ENOX2: variants seen among roughly 807,000 people sequenced by gnomAD.
ENOX2 encodes APK1 antigen.
ENOX2 carries 36 observed loss-of-function variants against 45.0 expected under a neutral mutation model. That is an observed-to-expected ratio of 0.80 (90% CI 0.61 to 1.06). ENOX2 has a LOEUF of 1.06. Ranked by LOEUF, ENOX2 falls within the 50% of genes least tolerant of loss-of-function variation. The pLI is 0.00. For synonymous variants in ENOX2, 174 were observed against 152.3 expected (o/e 1.14, Z -1.05); for missense variants, 423 against 462.5 (o/e 0.91, Z 0.78).
chrX:130,735,681 C>A (rs773983946), intron 3 of ENOX2, among the ~76,000 whole-genome samples: 12 of 111,701 alleles, frequency 1.1e-4, no homozygotes, highest in African/African-American at 3.9e-4. Flanking sequence ...TTTATTATGG[C>A]ATTGCTATAA....
At chrX:130,680,417 G>A (rs1416418596) in intron 5 of ENOX2, among the ~76,000 whole-genome samples, 2 of 111,490 alleles carry the variant, frequency 1.8e-5, no homozygotes, top group East Asian at 5.6e-4. Flanking sequence ...AAATATGAAA[G>A]ACAGCAGAGA....
intron 10 of ENOX2, among the ~76,000 whole-genome samples, chrX:130,641,741 A>AAC (rs1569478944): frequency 9.4e-6 from 1 of 106,415 alleles, no homozygotes; most frequent in African/African-American, 3.4e-5. Flanking sequence ...AAAAAAAAAA[A>AAC]GAGAGAATTA....
chrX:130,683,338 C>T (rs1393209354), intron 5 of ENOX2, among the ~76,000 whole-genome samples: 1 of 111,873 alleles, frequency 8.9e-6, no homozygotes, highest in South Asian at 3.8e-4. Context: ...ATTGAAGGTC[C>T]CCTGGACAAT....
At chrX:130,633,049 C>T (rs1490963327) in intron 12 of ENOX2, among the ~76,000 whole-genome samples, 2 of 112,011 alleles carry the variant, frequency 1.8e-5, no homozygotes, top group Admixed American at 9.4e-5. Context: ...CTTCCTTAAA[C>T]CTGACTTCAA....
chrX:130,685,169 G>A (rs898692259), intron 5 of ENOX2, among the ~76,000 whole-genome samples: 109 of 111,522 alleles, frequency 9.8e-4, no homozygotes, highest in African/African-American at 3.1e-3. Context: ...AAGGCCCTAT[G>A]ATGGGAGAGT....
intron 13 of ENOX2, among the ~76,000 whole-genome samples, chrX:130,630,976 C>CAAAG (rs1181542112): frequency 9.1e-6 from 1 of 109,480 alleles, no homozygotes; most frequent in Non-Finnish European, 1.9e-5. Flanking sequence ...AACAAACAAA[C>CAAAG]AAACAAACAA....
chrX:130,657,259 T>G (rs1312464320), intron 9 of ENOX2, among the ~76,000 whole-genome samples: 2 of 111,896 alleles, frequency 1.8e-5, no homozygotes, highest in African/African-American at 6.5e-5. Flanking sequence ...TTGATGACAT[T>G]GGAGAGTGAA....
chrX:130,799,489 T>C (rs1187864317), intron 2 of ENOX2, among the ~76,000 whole-genome samples: 1 of 111,570 alleles, frequency 9.0e-6, no homozygotes. Context: ...CCTTTATATA[T>C]ACATCTACCC....
chrX:130,634,294 T>C (rs1262871876), intron 12 of ENOX2, among the ~76,000 whole-genome samples: 2 of 112,092 alleles, frequency 1.8e-5, no homozygotes, highest in African/African-American at 3.2e-5. Context: ...TGAGTATTGA[T>C]GCATCAAGGA....
At chrX:130,839,589 AAC>A (rs1364268964) in intron 2 of ENOX2, among the ~76,000 whole-genome samples, 1 of 111,921 alleles carries the variant, frequency 8.9e-6, no homozygotes, top group African/African-American at 3.2e-5. Flanking sequence ...ATAATTTTAA[AAC>A]AGTTAATTAA....
chrX:130,692,620 G>A (rs1376338259), intron 4 of ENOX2, among the ~76,000 whole-genome samples: 3 of 92,837 alleles, frequency 3.2e-5, no homozygotes, highest in Non-Finnish European at 6.3e-5. Context: ...CCGCTCTGTT[G>A]CCCAGGCTGG....
intron 2 of ENOX2, among the ~76,000 whole-genome samples, chrX:130,832,768 A>G (rs2077859187): frequency 9.1e-6 from 1 of 110,401 alleles, no homozygotes; most frequent in Non-Finnish European, 1.9e-5. Flanking sequence ...GGGGTCTCCT[A>G]GGCCTGTCTA....
chrX:130,750,888 G>T (rs905310878), intron 3 of ENOX2, among the ~76,000 whole-genome samples: 1 of 109,898 alleles, frequency 9.1e-6, no homozygotes, highest in Non-Finnish European at 1.9e-5. Context: ...GACTCTATTC[G>T]TACCTCTCTG....
intron 3 of ENOX2, among the ~76,000 whole-genome samples, chrX:130,730,296 C>T (rs2038706382): frequency 8.9e-6 from 1 of 112,289 alleles, no homozygotes. Flanking sequence ...ATTTGTTGCT[C>T]CAGTTAGAAC....
At chrX:130,733,491 A>G (rs2038787781) in intron 3 of ENOX2, among the ~76,000 whole-genome samples, 1 of 112,064 alleles carries the variant, frequency 8.9e-6, no homozygotes, top group Non-Finnish European at 1.9e-5. Flanking sequence ...ATGAAGACTT[A>G]AGTTCACACA....
chrX:130,844,712 G>A (rs1179951631), intron 2 of ENOX2, among the ~76,000 whole-genome samples: 1 of 112,157 alleles, frequency 8.9e-6, no homozygotes, highest in Non-Finnish European at 1.9e-5. Flanking sequence ...AAGGAAGGGA[G>A]ATATGTTATT....
At chrX:130,766,029 TAAGA>T (rs1331311987) in intron 3 of ENOX2, among the ~76,000 whole-genome samples, 2 of 111,623 alleles carry the variant, frequency 1.8e-5, no homozygotes, top group East Asian at 5.6e-4. Flanking sequence ...TCTAATTACA[TAAGA>T]AAGAAATCAA....
At chrX:130,777,857 G>C (rs1482168726) in intron 3 of ENOX2, among the ~76,000 whole-genome samples, 1 of 111,770 alleles carries the variant, frequency 8.9e-6, no homozygotes, top group Non-Finnish European at 1.9e-5. Context: ...TCAAGATAAT[G>C]GTTTTATTTC....
At chrX:130,892,862 T>C (rs1405789391) in intron 2 of ENOX2, among the ~76,000 whole-genome samples, 2 of 112,732 alleles carry the variant, frequency 1.8e-5, no homozygotes, top group Non-Finnish European at 3.7e-5. Context: ...GTCTGCCACT[T>C]AATCTGAAAT....
Sources: allele counts gnomAD v4.1 joint callset (sites outside exome capture counted in the v4.1 genomes callset), GRCh38; gene constraint gnomAD v4.1.1; transcripts MANE v1.5; gene names NCBI Gene and HGNC (gene_info 2026-07-23, HGNC 2026-07-21).